The following TMEM135 variants were observed in gnomAD, a reference collection of about 807,000 sequenced individuals.
TMEM135 encodes the protein peroxisomal membrane protein 52.
In TMEM135, 30 loss-of-function variants were observed where a neutral mutation model predicts 60.3. The ratio of observed to expected loss-of-function variants is 0.50; its 90% CI spans 0.37 to 0.68. The LOEUF (loss-of-function observed/expected upper bound fraction) is 0.68. Among genes scored for constraint, TMEM135 ranks in the 30% least tolerant of loss-of-function variants. The pLI is 0.00. For missense variants in TMEM135, 468 were observed against 548.8 expected (o/e 0.85, Z 1.47); for synonymous variants, 190 against 186.7 (o/e 1.02, Z -0.14).
intron 6 of TMEM135, among the ~76,000 whole-genome samples, chr11:87,241,139 T>C (rs1941124114): frequency 2.0e-5 from 3 of 152,104 alleles, no homozygotes; most frequent in African/African-American, 7.2e-5. Context: ...TTTATCTATT[T>C]AAGAAAACCA....
chr11:87,107,793 G>C (rs1414521668), intron 4 of TMEM135, among the ~76,000 whole-genome samples: 1 of 152,066 alleles, frequency 6.6e-6, no homozygotes, highest in Non-Finnish European at 1.5e-5. Context: ...GGGATTGCTG[G>C]GTCAAATGGT....
At position 87,325,016 on chromosome 11, in the gene TMEM135, T is replaced by A. The variant is rs759359498; in HGVS notation, c.*3683T>A. The A allele has an allele frequency of 4.4e-6, 2 of 454,014 alleles. No individual in the cohort carries two copies. Among genetic ancestry groups the A allele is most frequent in the South Asian group, 3.1e-5 (2 of 64,466 alleles). The allele number at this position is 454,014 out of a possible 1,614,324, so 28.1% of individuals were successfully genotyped here. ...TTACCTTCATTGTGGAGGTGATGTT[T>A]ACAATTGCCTCCAGCCCTTTACTAT... On this transcript the variant is annotated 3_prime_UTR_variant, in exon 15 of 15. Coordinates refer to ENST00000305494, the MANE Select transcript of TMEM135 (RefSeq NM_022918.4).
At chr11:87,121,053 G>A (rs1456309171) in intron 4 of TMEM135, 1 of 152,152 alleles carries the variant, frequency 6.6e-6, no homozygotes, top group Non-Finnish European at 1.5e-5. Context: ...TATTGTTTCA[G>A]CAAAGTGGAA....
intron 4 of TMEM135, among the ~76,000 whole-genome samples, chr11:87,111,857 C>A (rs957854373): frequency 1.7e-4 from 26 of 151,796 alleles, no homozygotes; most frequent in African/African-American, 5.3e-4. Flanking sequence ...TATAGATGAG[C>A]AAAACTGAAT....
At chr11:87,068,684 G>A (rs1007846547) in intron 2 of TMEM135, among the ~76,000 whole-genome samples, 2 of 151,706 alleles carry the variant, frequency 1.3e-5, no homozygotes, top group African/African-American at 2.4e-5. Flanking sequence ...GGTGGTGGGC[G>A]CCTGTAGTCG....
At chr11:87,097,756 T>C (rs955503721) in intron 4 of TMEM135, among the ~76,000 whole-genome samples, 6 of 152,240 alleles carry the variant, frequency 3.9e-5, no homozygotes, top group African/African-American at 1.4e-4. Context: ...CTGTTCGCTC[T>C]GTTTTGAGCT....
At chr11:87,193,157 A>G (rs956212772) in intron 5 of TMEM135, among the ~76,000 whole-genome samples, 2 of 152,228 alleles carry the variant, frequency 1.3e-5, no homozygotes, top group East Asian at 1.9e-4. Context: ...CATCATATAT[A>G]ATAGGCCATC....
intron 5 of TMEM135, among the ~76,000 whole-genome samples, chr11:87,169,187 A>G (rs949209614): frequency 3.4e-5 from 5 of 149,170 alleles, no homozygotes; most frequent in African/African-American, 1.2e-4. Context: ...TTTTGAGCCT[A>G]TGTGTGTCTT....
At chr11:87,193,044 G>A (rs1048108114) in intron 5 of TMEM135, among the ~76,000 whole-genome samples, 4 of 152,148 alleles carry the variant, frequency 2.6e-5, no homozygotes, top group African/African-American at 7.2e-5. Context: ...GAACCTGGGA[G>A]GCAAAGGTTG....
chr11:87,067,920 G>GCC, intron 2 of TMEM135, 99 bp downstream of exon 2: 2 of 1,442,744 alleles, frequency 1.4e-6, no homozygotes, highest in Non-Finnish European at 9.6e-7. Context: ...TACTATCCCC[G>GCC]CCCCCCCTTT....
chr11:87,207,729 G>C (rs1940268080), intron 5 of TMEM135, among the ~76,000 whole-genome samples: 2 of 152,260 alleles, frequency 1.3e-5, no homozygotes, highest in South Asian at 4.1e-4. Flanking sequence ...GATTTATAAA[G>C]AGAAGTTTAT....
rs188669606 is a variant in TMEM135, at chr11:87,267,612, A to G, written c.510-28170A>G. On this transcript the variant is annotated intron_variant, in intron 6 of 14. Transcript: ENST00000305494. ...ATTTCGTGATTGTTTTTTGTGATACACTATATAAAAACTTCATGAAAGTAT... is the reference window on the plus strand; with the variant it reads ...ATTTCGTGATTGTTTTTTGTGATACGCTATATAAAAACTTCATGAAAGTAT... 2.7e-3 allele frequency among the ~76,000 whole-genome samples: 408 copies of G among 152,358 alleles called. 2 individuals are homozygous for G. The highest frequency in any genetic ancestry group is 3.7e-3 in the Non-Finnish European group (252 of 68,028).
At chr11:87,042,763 G>T (rs150903672) in intron 1 of TMEM135, among the ~76,000 whole-genome samples, 210 of 151,346 alleles carry the variant, frequency 1.4e-3, no homozygotes, top group Non-Finnish European at 2.6e-3. Context: ...TTACTTTCTT[G>T]TTCTATACAT....
chr11:87,073,986 G>A (rs1012180116), intron 3 of TMEM135, among the ~76,000 whole-genome samples: 1 of 151,782 alleles, frequency 6.6e-6, no homozygotes. Flanking sequence ...TTTTTTTTGG[G>A]ACAGAGTCTC....
chr11:87,094,758 T>C (rs987734928), intron 4 of TMEM135: 7 of 203,696 alleles, frequency 3.4e-5, no homozygotes, highest in South Asian at 2.2e-4. Flanking sequence ...AGGTGACTTA[T>C]AGTTGCTCCC....
rs558793608 is a variant in TMEM135, at chr11:87,275,940, G to T, written c.510-19842G>T. Among the ~76,000 whole-genome samples the T allele has an allele frequency of 1.4e-3, 212 of 152,238 alleles. 1 individual carries two copies. The highest frequency in any genetic ancestry group is 4.8e-3 in the African/African-American group (201 of 41,530). The stretch of plus-strand genomic sequence containing the variant: ...GCCTCCCAAAGTGCTGGAATTACAG[G>T]CATGAGCCACCGCGCCTGGCCGCTA... On this transcript the variant is annotated intron_variant, in intron 6 of 14. Coordinates refer to ENST00000305494, the MANE Select transcript of TMEM135 (RefSeq NM_022918.4).
chr11:87,089,533 A>T (rs1051109228), intron 3 of TMEM135, among the ~76,000 whole-genome samples: 1 of 151,796 alleles, frequency 6.6e-6, no homozygotes, highest in South Asian at 2.1e-4. Flanking sequence ...ACAGAATGAG[A>T]TCCTGTCTCA....
chr11:87,263,572 T>G (rs886523415), intron 6 of TMEM135, among the ~76,000 whole-genome samples: 4 of 152,164 alleles, frequency 2.6e-5, no homozygotes, highest in African/African-American at 9.6e-5. Context: ...TCATAAACTG[T>G]AAGCTGATTT....
At chr11:87,208,804 G>T (rs1367807250) in intron 5 of TMEM135, among the ~76,000 whole-genome samples, 2 of 152,108 alleles carry the variant, frequency 1.3e-5, no homozygotes, top group Non-Finnish European at 2.9e-5. Context: ...AAATCTTAAA[G>T]GCTGCTAGAG....
Sources: gnomAD v4.1 joint callset for allele counts (sites outside exome capture counted in the v4.1 genomes callset) on GRCh38, gnomAD v4.1.1 for gene constraint, MANE v1.5 for transcripts, NCBI Gene and HGNC (gene_info 2026-07-23, HGNC 2026-07-21) for gene names.